FAM53A: variants seen among roughly 807,000 people sequenced by gnomAD.
FAM53A encodes the protein family with sequence similarity 53 member A.
Under a neutral mutation model 26.6 loss-of-function variants are expected in FAM53A, and 28 were observed. The ratio of observed to expected loss-of-function variants is 1.05; its 90% CI spans 0.78 to 1.45. The LOEUF (loss-of-function observed/expected upper bound fraction) is 1.45. FAM53A is among the 40% of genes most tolerant of loss of function. The pLI is 0.00. For missense variants in FAM53A, 650 were observed against 575.8 expected (o/e 1.13, Z -1.32); for synonymous variants, 290 against 253.1 (o/e 1.15, Z -1.38).
chr4:1,578,431 G>A, the FAM53A span, among the ~76,000 whole-genome samples: 1 of 77,832 alleles, frequency 1.3e-5, no homozygotes. Context: ...GCCCGCACCC[G>A]GTGTGTAGAA....
chr4:1,583,157 G>T, the FAM53A span, among the ~76,000 whole-genome samples: 1 of 152,218 alleles, frequency 6.6e-6, no homozygotes, highest in African/African-American at 2.4e-5. Context: ...ACACACTGTG[G>T]GTGCCAGAGA....
intron 2 of FAM53A, among the ~76,000 whole-genome samples, chr4:1,665,725 T>C (rs981707757): frequency 3.3e-5 from 5 of 152,116 alleles, no homozygotes; most frequent in African/African-American, 4.8e-5. Flanking sequence ...CCACTCACCC[T>C]GTAGGGCTCC....
At chr4:1,589,011 G>C in the FAM53A span, among the ~76,000 whole-genome samples, 1 of 152,032 alleles carries the variant, frequency 6.6e-6, no homozygotes, top group African/African-American at 2.4e-5. Flanking sequence ...TATTCATCCT[G>C]GTGACGAATT....
At chr4:1,583,806 C>T in the FAM53A span, among the ~76,000 whole-genome samples, 1 of 152,266 alleles carries the variant, frequency 6.6e-6, no homozygotes, top group African/African-American at 2.4e-5. Context: ...ACGTCCTCTC[C>T]AGCCAGAGGT....
Position 1,655,672 on chromosome 4 carries a change from G to C in FAM53A, c.188C>G (p.Ala63Gly), listed in dbSNP as rs1466590703. 6.3e-7 allele frequency: 1 copy of C among 1,595,630 alleles called. No individual in the cohort carries two copies. The highest frequency in any genetic ancestry group is 1.7e-5 in the Admixed American group (1 of 58,302). The change falls in exon 4 of 5, where the codon GCA (alanine) becomes GGA (glycine). Residue 63 changes from alanine (A) to glycine (G), a missense_variant. Ala to Gly is a moderately conservative substitution (Grantham distance 60, BLOSUM62 0). Transcript: ENST00000308132. ...GAAGGAGAAATCAGGGCCCGTGGCTGCCTGGCTTCTGACGGGCGGTCCTCC... is the reference window on the plus strand; with the variant it reads ...GAAGGAGAAATCAGGGCCCGTGGCTCCCTGGCTTCTGACGGGCGGTCCTCC... Reference protein sequence around the residue: ...FSGGPPVRSQAATGPDFSFLP... With the variant: ...FSGGPPVRSQGATGPDFSFLP...
At chr4:1,663,833 C>T (rs1714031741) in intron 2 of FAM53A, among the ~76,000 whole-genome samples, 1 of 142,588 alleles carries the variant, frequency 7.0e-6, no homozygotes, top group East Asian at 2.0e-4. Flanking sequence ...TAGTGAGACC[C>T]TGTCTTTAAA....
At chr4:1,684,710 C>T (rs1335355593), upstream of FAM53A, among the ~76,000 whole-genome samples, 1 of 151,666 alleles carries the variant, frequency 6.6e-6, no homozygotes, top group Non-Finnish European at 1.5e-5. Flanking sequence ...GGCGCGCGGT[C>T]TCGGGGCCCG....
At chr4:1,653,131 T>C (rs947840816) in intron 4 of FAM53A, among the ~76,000 whole-genome samples, 7 of 149,834 alleles carry the variant, frequency 4.7e-5, no homozygotes, top group Non-Finnish European at 8.9e-5. Context: ...ACACAGCACA[T>C]AGCACGTGTG....
the FAM53A span, among the ~76,000 whole-genome samples, chr4:1,612,843 G>A: frequency 1.6e-4 from 24 of 152,260 alleles, no homozygotes; most frequent in Non-Finnish European, 2.2e-4. Context: ...GATCACACAC[G>A]CATGTATACA....
the FAM53A span, among the ~76,000 whole-genome samples, chr4:1,607,473 C>T: frequency 3.3e-5 from 5 of 152,274 alleles, no homozygotes; most frequent in Non-Finnish European, 7.4e-5. Flanking sequence ...CAATCGTCAA[C>T]TCAGGAGCAA....
At chr4:1,631,062 A>G (rs1434933356) in intron 1 of FAM53A, among the ~76,000 whole-genome samples, 1 of 152,218 alleles carries the variant, frequency 6.6e-6, no homozygotes, top group South Asian at 2.1e-4. Flanking sequence ...ATAATAATAA[A>G]TTAATAAATG....
chr4:1,579,714 G>T, the FAM53A span, among the ~76,000 whole-genome samples: 1 of 152,208 alleles, frequency 6.6e-6, no homozygotes, highest in Non-Finnish European at 1.5e-5. Context: ...ACACCCGCGA[G>T]CCACGGCCAC....
At chr4:1,627,096 C>T (rs749831774) in intron 1 of FAM53A, among the ~76,000 whole-genome samples, 6 of 152,202 alleles carry the variant, frequency 3.9e-5, no homozygotes, top group African/African-American at 9.7e-5. Flanking sequence ...GGTGGGGCTT[C>T]GCTCCGGTGC....
intron 2 of FAM53A, among the ~76,000 whole-genome samples, chr4:1,665,185 G>A (rs1045771450): frequency 1.3e-5 from 2 of 152,032 alleles, no homozygotes; most frequent in Non-Finnish European, 2.9e-5. Flanking sequence ...GGGCGTGGTG[G>A]CGCATGCCTG....
chr4:1,580,213 C>G, the FAM53A span: 2 of 152,204 alleles, frequency 1.3e-5, no homozygotes, highest in Non-Finnish European at 2.9e-5. Context: ...TGTCATCCGT[C>G]GATGATGGAG....
chr4:1,634,766 G>A (rs1715762862), intron 1 of FAM53A, among the ~76,000 whole-genome samples: 1 of 152,062 alleles, frequency 6.6e-6, no homozygotes, highest in African/African-American at 2.4e-5. Flanking sequence ...CAGGCATGGT[G>A]GTGCGCGCCT....
chr4:1,675,730 C>T (rs1256782780), intron 1 of FAM53A, among the ~76,000 whole-genome samples: 1 of 152,230 alleles, frequency 6.6e-6, no homozygotes, highest in Non-Finnish European at 1.5e-5. Flanking sequence ...GATCACAATG[C>T]TCTGGCCCCC....
chr4:1,665,327 A>C (rs1307618843), intron 2 of FAM53A, among the ~76,000 whole-genome samples: 1 of 151,974 alleles, frequency 6.6e-6, no homozygotes, highest in Non-Finnish European at 1.5e-5. Context: ...CTTTAAAAAA[A>C]AAAATTAAAA....
the FAM53A span, among the ~76,000 whole-genome samples, chr4:1,610,259 T>C: frequency 1.3e-5 from 2 of 149,656 alleles, no homozygotes; most frequent in Non-Finnish European, 3.0e-5. Context: ...ACACCAAGAA[T>C]TTCTCCTCCC....
Sources: gnomAD v4.1 joint callset for allele counts (sites outside exome capture counted in the v4.1 genomes callset) on GRCh38, gnomAD v4.1.1 for gene constraint, MANE v1.5 for transcripts, NCBI Gene and HGNC (gene_info 2026-07-23, HGNC 2026-07-21) for gene names.